The following DSCAM variants were observed in gnomAD, a reference collection of about 807,000 sequenced individuals.
The protein encoded by DSCAM is cell adhesion molecule DSCAM.
A neutral mutation model predicts 217.7 loss-of-function variants in DSCAM; 47 were observed. The observed-to-expected ratio is 0.22, with a 90% CI of 0.17 to 0.28. DSCAM has a LOEUF of 0.28. Among genes scored for constraint, DSCAM ranks in the 10% least tolerant of loss-of-function variants. The pLI is 1.00. For synonymous variants in DSCAM, 1,056 were observed against 1,015.3 expected, an observed-to-expected ratio of 1.04 and a Z score of -0.76; for missense variants, 2,080 against 2,618.3, an observed-to-expected ratio of 0.79 and a Z score of 4.49.
intron 3 of DSCAM, among the ~76,000 whole-genome samples, chr21:40,556,265 A>G (rs544219815): frequency 2.6e-5 from 4 of 152,188 alleles, no homozygotes; most frequent in Admixed American, 6.5e-5. Context: ...ATAAATTTTG[A>G]CTCCCTCAAA....
At chr21:40,410,583 T>C (rs545408297) in intron 3 of DSCAM, among the ~76,000 whole-genome samples, 29 of 152,028 alleles carry the variant, frequency 1.9e-4, no homozygotes, top group African/African-American at 5.8e-4. Context: ...AGATGCATCA[T>C]TATCAAACTG....
At position 40,167,276 on chromosome 21, in the gene DSCAM, G is replaced by C. The variant is rs1302282988; in HGVS notation, c.2960C>G (p.Pro987Arg). 1 of 1,613,788 alleles carries C rather than the reference G, an allele frequency of 6.2e-7. No individual in the cohort carries two copies. The highest frequency in any genetic ancestry group is 8.5e-7 in the Non-Finnish European group (1 of 1,179,954). Residue 987 changes from proline to arginine, a missense_variant, in exon 16 of 33, where the codon CCA (proline) becomes CGA (arginine). Physicochemically the swap from Pro to Arg is moderately radical, Grantham distance 103. This residue lies in a region of DSCAM where 1,144 missense variants were observed against 1,421.1 expected (regional missense o/e 0.81). Coordinates refer to ENST00000400454, the MANE Select transcript of DSCAM (RefSeq NM_001389.5). ...AGGCTCCAGGTGAACTTCCTGAGGT[G>C]GACCATCAGGAGCTGTAAGGACCAA... ...ITADEAAPDG[P>R]PQEVHLEPIS...
At chr21:40,525,214 T>C (rs558123099) in intron 3 of DSCAM, among the ~76,000 whole-genome samples, 2 of 152,296 alleles carry the variant, frequency 1.3e-5, no homozygotes, top group South Asian at 4.1e-4. Flanking sequence ...GTGACGTATT[T>C]AATTCATGGC....
chr21:40,766,669 C>CA (rs34935219), intron 1 of DSCAM, among the ~76,000 whole-genome samples: 41,236 of 66,448 alleles, frequency 0.62, 12,613 homozygotes, highest in South Asian at 0.72. Context: ...ACAACAATTC[C>CA]AAAAAAAAAA....
At chr21:40,772,879 G>C (rs751564697) in intron 1 of DSCAM, among the ~76,000 whole-genome samples, 1 of 152,182 alleles carries the variant, frequency 6.6e-6, no homozygotes, top group African/African-American at 2.4e-5. Flanking sequence ...TAATCGCCGC[G>C]GTGGTGGACC....
At chr21:40,352,034 T>C (rs1357590097) in intron 5 of DSCAM, among the ~76,000 whole-genome samples, 1 of 152,230 alleles carries the variant, frequency 6.6e-6, no homozygotes, top group African/African-American at 2.4e-5. Flanking sequence ...TTAACCCATT[T>C]ATGCCTGAGG....
intron 28 of DSCAM, among the ~76,000 whole-genome samples, chr21:40,061,431 T>C (rs979912568): frequency 6.6e-6 from 1 of 151,950 alleles, no homozygotes; most frequent in African/African-American, 2.4e-5. Flanking sequence ...CAGCCAGGCA[T>C]GGTGGCGGGC....
At chr21:40,526,570 A>T (rs8131731) in intron 3 of DSCAM, among the ~76,000 whole-genome samples, 108,138 of 151,838 alleles carry the variant, frequency 0.71, 39,981 homozygotes, top group African/African-American at 0.93. Context: ...ATGGTAGGTG[A>T]GGCCGGGGGG....
intron 3 of DSCAM, among the ~76,000 whole-genome samples, chr21:40,605,646 G>A (rs1194582028): frequency 2.6e-5 from 4 of 152,264 alleles, no homozygotes; most frequent in Non-Finnish European, 4.4e-5. Flanking sequence ...TTTGGCCTGT[G>A]AGCCCCATTT....
chr21:40,624,441 T>C (rs2089570076), intron 3 of DSCAM, among the ~76,000 whole-genome samples: 1 of 152,130 alleles, frequency 6.6e-6, no homozygotes, highest in African/African-American at 2.4e-5. Flanking sequence ...AGTAAGACTT[T>C]CCATGTTTTG....
intron 11 of DSCAM, among the ~76,000 whole-genome samples, chr21:40,231,194 T>C (rs1358550382): frequency 6.6e-6 from 1 of 151,190 alleles, no homozygotes; most frequent in Non-Finnish European, 1.5e-5. Flanking sequence ...TGATCTTCAC[T>C]GTGAGAATCT....
intron 3 of DSCAM, among the ~76,000 whole-genome samples, chr21:40,405,945 C>A (rs71316162): frequency 6.6e-6 from 1 of 152,050 alleles, no homozygotes; most frequent in Non-Finnish European, 1.5e-5. Flanking sequence ...TGCAGCGAGC[C>A]GAGATTGCAC....
chr21:40,847,042 A>C lies in DSCAM; in HGVS notation c.-381T>G, dbSNP rs2092152612. 1 of 152,426 alleles carries C rather than the reference A, an allele frequency of 6.6e-6. No individual in the cohort carries two copies. The highest frequency in any genetic ancestry group is 2.4e-5 in the African/African-American group (1 of 41,460). The allele number at this position is 152,426 out of a possible 1,614,324, so 9.4% of individuals were successfully genotyped here. ...CGCAGCCAGCGGCCTCCCGTGCGCCAGCCCTCACCCTCCGCATCCAGGCAG... is the reference window on the plus strand; with the variant it reads ...CGCAGCCAGCGGCCTCCCGTGCGCCCGCCCTCACCCTCCGCATCCAGGCAG... On this transcript the variant is annotated 5_prime_UTR_variant, in exon 1 of 33. Coordinates refer to ENST00000400454, the MANE Select transcript of DSCAM (RefSeq NM_001389.5).
chr21:40,765,581 G>A (rs2091379954), intron 1 of DSCAM, among the ~76,000 whole-genome samples: 1 of 152,132 alleles, frequency 6.6e-6, no homozygotes, highest in Non-Finnish European at 1.5e-5. Flanking sequence ...TAGAAGCAAT[G>A]GGGGAGGGAT....
chr21:40,189,217 T>C lies in DSCAM; in HGVS notation c.2378A>G (p.Tyr793Cys). Reference protein sequence around the residue: ...TVKIPAMITSYPNTTLATQGQ... With the variant: ...TVKIPAMITSCPNTTLATQGQ... ...CTGCGTGGCCAGGGTAGTATTTGGA[T>C]AGGATGTTATCATCGCAGGAACTGA... The change falls in exon 12 of 33, where the codon TAT becomes TGT. Residue 793 changes from tyrosine to cysteine, a missense_variant. Around this residue, in one of 5 missense-constraint regions of DSCAM, gnomAD observed 218 missense variants for 364.1 expected, o/e 0.60. Transcript: ENST00000400454. 1 of 1,598,992 alleles carries C rather than the reference T, an allele frequency of 6.3e-7. No individual in the cohort carries two copies.
intron 11 of DSCAM, among the ~76,000 whole-genome samples, chr21:40,249,831 C>T (rs2073278151): frequency 6.6e-6 from 1 of 152,114 alleles, no homozygotes; most frequent in Non-Finnish European, 1.5e-5. Flanking sequence ...AACCTCCAAG[C>T]TCCAAAGAAG....
intron 3 of DSCAM, among the ~76,000 whole-genome samples, chr21:40,501,179 A>G (rs1008385757): frequency 2.0e-5 from 3 of 152,178 alleles, no homozygotes; most frequent in African/African-American, 7.2e-5. Flanking sequence ...TGCTCCACAC[A>G]ATATTTGGAA....
intron 3 of DSCAM, among the ~76,000 whole-genome samples, chr21:40,370,286 C>G (rs1203151882): frequency 6.6e-6 from 1 of 151,374 alleles, no homozygotes. Context: ...GCTGAGAGTG[C>G]CTCATTGCAC....
intron 20 of DSCAM, among the ~76,000 whole-genome samples, chr21:40,117,948 T>TACACAC (rs10534527): frequency 7.2e-4 from 108 of 150,838 alleles, no homozygotes; most frequent in Non-Finnish European, 1.1e-3. Flanking sequence ...CCAATACGTG[T>TACACAC]ACACACACAC....
Sources: allele counts gnomAD v4.1 joint callset (sites outside exome capture counted in the v4.1 genomes callset), GRCh38; gene constraint gnomAD v4.1.1; regional missense constraint gnomAD v4.1.1; transcripts MANE v1.5; gene names NCBI Gene and HGNC (gene_info 2026-07-23, HGNC 2026-07-21).